Variants in GPR137C observed in about 807,000 individuals in gnomAD.
The protein encoded by GPR137C is G protein-coupled receptor 137C.
A neutral mutation model predicts 43.4 loss-of-function variants in GPR137C; 27 were observed. The ratio of observed to expected loss-of-function variants is 0.62; its 90% CI spans 0.46 to 0.86. GPR137C has a LOEUF of 0.86. Ranked by LOEUF, GPR137C falls within the 40% of genes least tolerant of loss-of-function variation. The pLI is 0.00. For synonymous variants in GPR137C, 285 were observed against 226.9 expected, an observed-to-expected ratio of 1.26 and a Z score of -2.30; for missense variants, 522 against 534.6, an observed-to-expected ratio of 0.98 and a Z score of 0.23.
At chr14:52,563,243 G>A (rs1198760320) in intron 1 of GPR137C, among the ~76,000 whole-genome samples, 2 of 152,060 alleles carry the variant, frequency 1.3e-5, no homozygotes, top group Admixed American at 6.6e-5. Flanking sequence ...CCATCAGAGA[G>A]GTTGAGATTT....
intron 3 of GPR137C, among the ~76,000 whole-genome samples, chr14:52,617,948 T>A (rs2039118064): frequency 6.6e-6 from 1 of 152,158 alleles, no homozygotes; most frequent in African/African-American, 2.4e-5. Flanking sequence ...ACTAAAAAAT[T>A]GCTTATAAAT....
intron 3 of GPR137C, among the ~76,000 whole-genome samples, chr14:52,620,975 G>T (rs1204362457): frequency 6.6e-6 from 1 of 151,694 alleles, no homozygotes; most frequent in Non-Finnish European, 1.5e-5. Context: ...GGAAGAACAT[G>T]AAGTTGGAAA....
chr14:52,624,902 A>G (rs971814297), intron 3 of GPR137C, among the ~76,000 whole-genome samples: 2 of 152,174 alleles, frequency 1.3e-5, no homozygotes, highest in Admixed American at 1.3e-4. Flanking sequence ...CTATCACTAA[A>G]CATCTTACAG....
chr14:52,562,756 C>T (rs1320119396), intron 1 of GPR137C, among the ~76,000 whole-genome samples: 1 of 152,074 alleles, frequency 6.6e-6, no homozygotes, highest in East Asian at 1.9e-4. Flanking sequence ...GCTAGGTTAG[C>T]ATGTAGAACT....
chr14:52,599,965 T>C (rs1174670413), intron 2 of GPR137C, 148 bp from the exon 3 acceptor site: 1 of 611,856 alleles, frequency 1.6e-6, no homozygotes. Flanking sequence ...AACCTGAGAC[T>C]ATTTCTGAAT....
At chr14:52,627,913 A>G (rs1012928471) in intron 3 of GPR137C, among the ~76,000 whole-genome samples, 6 of 152,196 alleles carry the variant, frequency 3.9e-5, no homozygotes, top group African/African-American at 1.4e-4. Context: ...TGTTAATGAA[A>G]ATATTCTTTA....
chr14:52,565,904 A>G (rs961882880), intron 1 of GPR137C, among the ~76,000 whole-genome samples: 8 of 152,182 alleles, frequency 5.3e-5, no homozygotes, highest in Non-Finnish European at 1.2e-4. Flanking sequence ...TTTGCAAATC[A>G]TTATTTTTCT....
At chr14:52,571,027 G>A (rs1290678300) in intron 1 of GPR137C, among the ~76,000 whole-genome samples, 9 of 152,056 alleles carry the variant, frequency 5.9e-5, no homozygotes, top group African/African-American at 1.4e-4. Flanking sequence ...CCAAATCAAC[G>A]AAATATACAT....
intron 3 of GPR137C, 147 bp from the exon 4 acceptor site, chr14:52,632,013 A>C: frequency 3.6e-6 from 2 of 556,002 alleles, no homozygotes; most frequent in South Asian, 5.6e-5. Flanking sequence ...TAGGAATTGA[A>C]AAGCAAGATA....
intron 1 of GPR137C, among the ~76,000 whole-genome samples, chr14:52,590,947 C>T (rs1220633160): frequency 6.6e-6 from 1 of 152,114 alleles, no homozygotes; most frequent in Non-Finnish European, 1.5e-5. Flanking sequence ...TGGACATTTA[C>T]ATTAGCTATT....
intron 2 of GPR137C, among the ~76,000 whole-genome samples, chr14:52,599,055 A>G (rs908578100): frequency 6.6e-6 from 1 of 152,234 alleles, no homozygotes; most frequent in Non-Finnish European, 1.5e-5. Flanking sequence ...ATGACCCAAT[A>G]TATCAGGAAG....
At chr14:52,628,879 C>T (rs571932680) in intron 3 of GPR137C, among the ~76,000 whole-genome samples, 60 of 152,200 alleles carry the variant, frequency 3.9e-4, no homozygotes, top group Non-Finnish European at 6.8e-4. Context: ...AAAATGTTTG[C>T]GATACGTATA....
chr14:52,572,788 G>A (rs752959304), intron 1 of GPR137C, among the ~76,000 whole-genome samples: 9 of 152,160 alleles, frequency 5.9e-5, no homozygotes, highest in Non-Finnish European at 1.5e-5. Flanking sequence ...ATTCAAATAG[G>A]AAGAGAGGAA....
intron 3 of GPR137C, among the ~76,000 whole-genome samples, chr14:52,606,289 T>G (rs529109909): frequency 1.3e-5 from 2 of 152,322 alleles, no homozygotes; most frequent in East Asian, 3.9e-4. Flanking sequence ...TTCAGGAACT[T>G]ATCCATTTCT....
At chr14:52,566,170 A>G (rs2038366842) in intron 1 of GPR137C, among the ~76,000 whole-genome samples, 1 of 152,210 alleles carries the variant, frequency 6.6e-6, no homozygotes, top group Admixed American at 6.5e-5. Flanking sequence ...TCCTTCTAGA[A>G]TAATATTTCA....
chr14:52,622,803 C>T (rs1412257862), intron 3 of GPR137C, among the ~76,000 whole-genome samples: 1 of 152,066 alleles, frequency 6.6e-6, no homozygotes, highest in Non-Finnish European at 1.5e-5. Context: ...ATGTTAAATA[C>T]ACATGTACTC....
At chr14:52,608,410 C>T (rs1308597112) in intron 3 of GPR137C, among the ~76,000 whole-genome samples, 1 of 152,164 alleles carries the variant, frequency 6.6e-6, no homozygotes, top group Non-Finnish European at 1.5e-5. Context: ...TTCTCTTCCC[C>T]ACATTTTGAA....
chr14:52,623,322 T>C (rs867141714), intron 3 of GPR137C, among the ~76,000 whole-genome samples: 21 of 152,212 alleles, frequency 1.4e-4, no homozygotes, highest in African/African-American at 4.8e-4. Context: ...TTATAAACTT[T>C]CCATCCAGCA....
intron 3 of GPR137C, among the ~76,000 whole-genome samples, chr14:52,618,280 C>G (rs958012345): frequency 1.3e-5 from 2 of 152,084 alleles, no homozygotes; most frequent in Non-Finnish European, 2.9e-5. Context: ...TATGAAATAG[C>G]CTTTTTGATG....
Sources: allele counts gnomAD v4.1 joint callset (sites outside exome capture counted in the v4.1 genomes callset), GRCh38; gene constraint gnomAD v4.1.1; transcripts MANE v1.5; gene names NCBI Gene and HGNC (gene_info 2026-07-23, HGNC 2026-07-21).